The following FPR2 variants were observed in gnomAD, a reference collection of about 807,000 sequenced individuals.
The protein encoded by FPR2 is N-formyl peptide receptor 2.
In FPR2, 3 loss-of-function variants were observed where a neutral mutation model predicts 4.0. That is an observed-to-expected ratio of 0.74 (90% CI 0.34 to 1.92). The LOEUF (loss-of-function observed/expected upper bound fraction) is 1.92, where lower values mean the gene tolerates loss of function less well. Among genes scored for constraint, FPR2 ranks in the 30% most tolerant of loss-of-function variants. The pLI is 0.07. For missense variants in FPR2, 372 were observed against 435.7 expected, an observed-to-expected ratio of 0.85 and a Z score of 1.30; for synonymous variants, 179 against 171.5, an observed-to-expected ratio of 1.04 and a Z score of -0.34.
At position 51,769,156 on chromosome 19, in the gene FPR2, A is replaced by C. The variant is rs763776915; in HGVS notation, c.498A>C (p.Thr166=). ...TGCCAGTTTTCCTCTTTTTGACTAC[A>C]GTAACTATTCCAAATGGGGACACAT... ...LTLPVFLFLT[T]VTIPNGDTYC... is the part of the protein sequence containing the mutation. The change falls in exon 2 of 2, where the codon ACA becomes ACC. Residue 166 remains threonine (T), a synonymous_variant. Transcript: ENST00000340023. This position sits in a 1 kb window ranked among gnomAD's most constrained non-coding sequence, Gnocchi z 4.4. 1.2e-6 allele frequency: 2 copies of C among 1,614,126 alleles called. No homozygotes were observed. Among genetic ancestry groups the C allele is most frequent in the Non-Finnish European group, 1.7e-6 (2 of 1,180,042 alleles).
chr19:51,766,549 C>T (rs566659613), intron 1 of FPR2, among the ~76,000 whole-genome samples: 1 of 152,266 alleles, frequency 6.6e-6, no homozygotes, highest in South Asian at 2.1e-4. Flanking sequence ...AGGAAGAAGG[C>T]TAAAAATCAC....
rs1471383447 is a variant in FPR2 at position 51,769,710 on chromosome 19, T to A, written c.1052T>A (p.Met351Lys). 6.2e-7 allele frequency: 1 copy of A among 1,612,998 alleles called. No homozygotes were observed. The highest frequency in any genetic ancestry group is 8.5e-7 in the Non-Finnish European group (1 of 1,179,042). The stretch of plus-strand genomic sequence containing the variant: ...CCTGCAGAGACTGAGTTACAGGCAA[T>A]GTGAGGATGGGGTCAGGGATATTTT... ...SPPAETELQA[M>K] Residue 351 changes from methionine to lysine, a missense_variant, in exon 2 of 2, where the codon ATG becomes AAG. Transcript: ENST00000340023. The surrounding 1 kb of genome is among the most constrained non-coding windows in gnomAD (Gnocchi z 4.4).
At chr19:51,767,027 T>C (rs141868526) in intron 1 of FPR2, among the ~76,000 whole-genome samples, 1 of 152,334 alleles carries the variant, frequency 6.6e-6, no homozygotes, top group Non-Finnish European at 1.5e-5. Flanking sequence ...ATTTCATCAC[T>C]GAGATATTAA....
At chr19:51,766,149 G>C (rs2083867233) in intron 1 of FPR2, among the ~76,000 whole-genome samples, 1 of 151,586 alleles carries the variant, frequency 6.6e-6, no homozygotes, top group Admixed American at 6.6e-5. Flanking sequence ...TGGAACTCCT[G>C]ACCTCAGGCA....
chr19:51,763,906 G>C (rs538506973), intron 1 of FPR2, among the ~76,000 whole-genome samples: 4 of 152,034 alleles, frequency 2.6e-5, no homozygotes, highest in African/African-American at 9.7e-5. Flanking sequence ...TTGCAAGCGC[G>C]TGCCATCACG....
At chr19:51,765,591 T>A (rs4801894) in intron 1 of FPR2, among the ~76,000 whole-genome samples, 1 of 152,002 alleles carries the variant, frequency 6.6e-6, no homozygotes, top group African/African-American at 2.4e-5. Context: ...AAGCTCTTGG[T>A]GTGTGGGTAA....
rs576878266 is a variant in FPR2 at position 51,764,553 on chromosome 19, A to T, written c.-15+3323A>T. Among the ~76,000 whole-genome samples the T allele has an allele frequency of 2.0e-5, 3 of 152,298 alleles. No individual in the cohort carries two copies. The South Asian group carries it at 6.2e-4, about 32-fold the overall frequency. ...GCAACCCTCGATAATTGTGAAAGTC[A>T]CTTCCGCTCTCTGAGCCGTACTTTC... On this transcript the variant is annotated intron_variant, in intron 1 of 1. Transcript: ENST00000340023.
Position 51,768,809 on chromosome 19 carries a change from G to T in FPR2, c.151G>T (p.Ala51Ser). The T allele has an allele frequency of 2.5e-6, 4 of 1,614,138 alleles. No individual in the cohort carries two copies. The highest frequency in any genetic ancestry group is 3.4e-6 in the Non-Finnish European group (4 of 1,180,026). Residue 51 changes from alanine (A) to serine (S), a missense_variant, in exon 2 of 2, where the codon GCT becomes TCT. Transcript: ENST00000340023. ...GGGCAATGGGCTTGTGATCTGGGTG[G>T]CTGGATTCCGGATGACACGCACAGT... ...VLGNGLVIWV[A>S]GFRMTRTVTT... is the part of the protein sequence containing the mutation.
intron 1 of FPR2, among the ~76,000 whole-genome samples, chr19:51,767,609 A>G (rs55646701): frequency 0.079 from 12,051 of 152,082 alleles, 587 homozygotes; most frequent in South Asian, 0.17. Flanking sequence ...GTGGTTTTTC[A>G]AGCAGAGAAG....
At chr19:51,763,715 TG>T (rs1232101489) in intron 1 of FPR2, among the ~76,000 whole-genome samples, 1 of 152,170 alleles carries the variant, frequency 6.6e-6, no homozygotes, top group Non-Finnish European at 1.5e-5. Context: ...TTTTTTGTTT[TG>T]TTTTTTGGGG....
Position 51,768,807 on chromosome 19 carries a change from T to G in FPR2, c.149T>G (p.Val50Gly). ...CTGGGCAATGGGCTTGTGATCTGGGTGGCTGGATTCCGGATGACACGCACA... is the reference window on the plus strand; with the variant it reads ...CTGGGCAATGGGCTTGTGATCTGGGGGGCTGGATTCCGGATGACACGCACA... ...GVLGNGLVIW[V>G]AGFRMTRTVT... is the part of the protein sequence containing the mutation. Residue 50 changes from valine (V) to glycine (G), a missense_variant, in exon 2 of 2, where the codon GTG becomes GGG. Transcript: ENST00000340023. The G allele has an allele frequency of 6.2e-7, 1 of 1,614,132 alleles. No homozygotes were observed. The highest frequency in any genetic ancestry group is 1.3e-5 in the African/African-American group (1 of 75,014).
intron 1 of FPR2, among the ~76,000 whole-genome samples, chr19:51,763,844 G>A (rs965040895): frequency 1.3e-5 from 2 of 151,994 alleles, no homozygotes; most frequent in Admixed American, 6.6e-5. Context: ...TGCAACCTCC[G>A]CCTTCCGGTG....
intron 1 of FPR2, chr19:51,762,404 T>C (rs1471545628): frequency 6.6e-6 from 1 of 151,626 alleles, no homozygotes; most frequent in Non-Finnish European, 1.4e-5. Context: ...CTTTTTTTTT[T>C]TTTTTGAGAC....
intron 1 of FPR2, among the ~76,000 whole-genome samples, chr19:51,767,118 CT>C (rs1259927495): frequency 1.3e-5 from 2 of 152,152 alleles, no homozygotes; most frequent in Non-Finnish European, 2.9e-5. Context: ...GTGTTCCCCT[CT>C]TTGTGTCCAT....
chr19:51,763,292 G>T (rs1900481519), intron 1 of FPR2: 1 of 152,192 alleles, frequency 6.6e-6, no homozygotes, highest in African/African-American at 2.4e-5. Context: ...GGACTGAAAA[G>T]CGGTGGCCAA....
At chr19:51,763,430 G>A (rs547174311) in intron 1 of FPR2, 3 of 152,220 alleles carry the variant, frequency 2.0e-5, no homozygotes, top group Admixed American at 6.5e-5. Flanking sequence ...CCTCTATCAC[G>A]AAGATATTGA....
At chr19:51,762,085 CTTTTTTT>C (rs373394742) in intron 1 of FPR2, among the ~76,000 whole-genome samples, 8 of 129,944 alleles carry the variant, frequency 6.2e-5, no homozygotes, top group Non-Finnish European at 1.3e-4. Context: ...TTTATTGGAC[CTTTTTTT>C]TTTTTTTTTT....
At position 51,768,652 on chromosome 19, in the gene FPR2, T is replaced by C. The variant is rs771908671; in HGVS notation, c.-7T>C. Reference sequence around the variant, plus strand: ...ATTGTTGGAATGTTTCAGGTGCTGCTGGCAAGATGGAAACCAACTTCTCCA... The same window carrying C: ...ATTGTTGGAATGTTTCAGGTGCTGCCGGCAAGATGGAAACCAACTTCTCCA... On this transcript the variant is annotated 5_prime_UTR_variant, in exon 2 of 2. Transcript: ENST00000340023. The C allele has an allele frequency of 6.3e-7, 1 of 1,590,294 alleles. No homozygotes were observed. The highest frequency in any genetic ancestry group is 8.6e-7 in the Non-Finnish European group (1 of 1,166,326).
intron 1 of FPR2, chr19:51,762,394 CTTT>C (rs750941089): frequency 8.6e-5 from 10 of 116,032 alleles, no homozygotes; most frequent in Non-Finnish European, 1.8e-4. Flanking sequence ...CCTTATTGGA[CTTT>C]TTTTTTTTTT....
Sources: gnomAD v4.1 joint callset for allele counts (sites outside exome capture counted in the v4.1 genomes callset) on GRCh38, gnomAD v4.1.1 for gene constraint, Gnocchi (gnomAD v3.1) non-coding constraint, MANE v1.5 for transcripts, NCBI Gene and HGNC (gene_info 2026-07-23, HGNC 2026-07-21) for gene names.